ADD1: variants seen among roughly 807,000 people sequenced by gnomAD.
ADD1 encodes the protein adducin 1, also known as alpha-adducin.
ADD1 carries 24 observed loss-of-function variants against 80.5 expected under a neutral mutation model. The observed-to-expected ratio is 0.30, with a 90% CI of 0.22 to 0.42. The LOEUF (loss-of-function observed/expected upper bound fraction) is 0.42. ADD1 is among the 10% of genes least tolerant of loss of function. The pLI is 1.00. For synonymous variants in ADD1, 373 were observed against 393.8 expected, an observed-to-expected ratio of 0.95 and a Z score of 0.63; for missense variants, 948 against 1,019.0, an observed-to-expected ratio of 0.93 and a Z score of 0.95.
chr4:2,868,869 C>A (rs1345160367), intron 1 of ADD1, among the ~76,000 whole-genome samples: 1 of 151,998 alleles, frequency 6.6e-6, no homozygotes, highest in Non-Finnish European at 1.5e-5. Context: ...GGGAAGCATT[C>A]GAGTTGGATA....
At chr4:2,855,812 C>G (rs1326195067) in intron 1 of ADD1, among the ~76,000 whole-genome samples, 3 of 151,680 alleles carry the variant, frequency 2.0e-5, no homozygotes, top group Non-Finnish European at 2.9e-5. Context: ...GTGATCCTCC[C>G]ACTTCAGCCC....
intron 1 of ADD1, chr4:2,868,029 G>T (rs1236391274): frequency 6.6e-6 from 1 of 152,234 alleles, no homozygotes. Context: ...GAATAGAAAT[G>T]ATCCGATCAG....
In ADD1 at chr4:2,926,394, G is replaced by A. The variant is rs913554487; in HGVS notation, c.2047+282G>A. ...GTTGCCCATTGCTCGCACACTCCTC[G>A]TGCCGTGTTGTCATGCAGATGCCAC... is the stretch of plus-strand genomic sequence containing the variant. On this transcript the variant is annotated intron_variant, in intron 15 of 15. Transcript: ENST00000683351. This position sits in a 1 kb window ranked among gnomAD's most constrained non-coding sequence, Gnocchi z 5.0. The A allele has an allele frequency of 7.1e-6, 5 of 701,326 alleles. No individual in the cohort carries two copies. In the East Asian group the frequency reaches 8.1e-5, roughly 11 times the overall value. The allele number at this position is 701,326 out of a possible 1,614,324, so 43.4% of individuals were successfully genotyped here. A position where few individuals can be genotyped will look rare whatever the true frequency, so the allele number is the denominator to read the frequency against.
In ADD1 at chr4:2,899,283, G is replaced by A. The variant is rs1177313039; in HGVS notation, c.1009G>A (p.Gly337Arg). 1 of 1,613,490 alleles carries A rather than the reference G, an allele frequency of 6.2e-7. No homozygotes were observed. The highest frequency in any genetic ancestry group is 8.5e-7 in the Non-Finnish European group (1 of 1,179,516). The change falls in exon 9 of 16, where the codon GGA (glycine) becomes AGA (arginine). Residue 337 changes from glycine to arginine, a missense_variant. Physicochemically the swap from Gly to Arg is moderately radical, Grantham distance 125. Transcript: ENST00000683351. The part of the protein sequence containing the change: ...IQVRTLASAG[G>R]PDNLVLLNPE... ...GGTTCGAACTCTGGCCAGTGCAGGA[G>A]GACCAGACAACTTAGTCCTGCTGAA...
chr4:2,902,237 C>T (rs916858351), intron 9 of ADD1: 16 of 152,148 alleles, frequency 1.1e-4, no homozygotes, highest in Admixed American at 1.0e-3. Context: ...TGAGTTCTGG[C>T]TCTTTAAGCA....
intron 1 of ADD1, chr4:2,867,798 C>CA (rs1729773604): frequency 6.6e-6 from 1 of 152,122 alleles, no homozygotes; most frequent in Admixed American, 6.5e-5. Flanking sequence ...TCCTGATTGT[C>CA]AGAGAGAATG....
chr4:2,883,347 T>C (rs1732696261), intron 3 of ADD1, among the ~76,000 whole-genome samples: 1 of 152,162 alleles, frequency 6.6e-6, no homozygotes, highest in Admixed American at 6.5e-5. Flanking sequence ...TATTTGAATT[T>C]ATGATTTAAA....
At chr4:2,849,507 G>T (rs1436361151) in intron 1 of ADD1, among the ~76,000 whole-genome samples, 3 of 152,164 alleles carry the variant, frequency 2.0e-5, no homozygotes, top group Non-Finnish European at 4.4e-5. Flanking sequence ...TCAGGAATGG[G>T]GCGCAGTAGA....
chr4:2,863,741 T>G (rs1296517151), intron 1 of ADD1, among the ~76,000 whole-genome samples: 2 of 152,060 alleles, frequency 1.3e-5, no homozygotes, highest in Non-Finnish European at 2.9e-5. Flanking sequence ...GTTTTGTTGT[T>G]TTGTTTTCTA....
intron 13 of ADD1, among the ~76,000 whole-genome samples, chr4:2,910,191 G>T (rs1181127935): frequency 6.6e-6 from 1 of 150,708 alleles, no homozygotes; most frequent in Admixed American, 6.6e-5. Flanking sequence ...GGGGCTGACC[G>T]CATGGTTGAA....
rs1731209577 is a variant in ADD1, at chr4:2,875,932, G to A, written c.17G>A (p.Arg6His). The A allele has an allele frequency of 3.8e-6, 6 of 1,598,622 alleles. No individual in the cohort carries two copies. The highest frequency in any genetic ancestry group is 2.2e-5 in the East Asian group (1 of 44,658). MNGDSRAAVVTSPPPT... is the reference protein window; with the variant it reads MNGDSHAAVVTSPPPT... The stretch of plus-strand genomic sequence containing the variant: ...GATTGTACAATGAATGGTGATTCTC[G>A]TGCTGCGGTGGTGACCTCACCACCC... The change falls in exon 2 of 16, where the codon CGT becomes CAT. Residue 6 changes from arginine (R) to histidine (H), a missense_variant. By Grantham distance (29) the Arg-to-His change is conservative. Coordinates refer to ENST00000683351, the MANE Select transcript of ADD1 (RefSeq NM_001354761.2).
chr4:2,913,291 T>C (rs987406898), intron 13 of ADD1, among the ~76,000 whole-genome samples: 2 of 152,248 alleles, frequency 1.3e-5, no homozygotes, highest in Non-Finnish European at 2.9e-5. Context: ...CTGCTGTTGC[T>C]GGGATACCAT....
Position 2,926,726 on chromosome 4 carries a change from A to C in ADD1, c.2047+614A>C. The C allele has an allele frequency of 6.4e-7, 1 of 1,563,120 alleles. No individual in the cohort carries two copies. The highest frequency in any genetic ancestry group is 8.8e-7 in the Non-Finnish European group (1 of 1,137,928). On this transcript the variant is annotated intron_variant, in intron 15 of 15. Coordinates refer to ENST00000683351, the MANE Select transcript of ADD1 (RefSeq NM_001354761.2). This position sits in a 1 kb window ranked among gnomAD's most constrained non-coding sequence, Gnocchi z 5.0. ...CCACCGGTGCCCTGCGCTTTGCCTC[A>C]TTCTCCTGCTTCTTTGTTGTTTATT...
chr4:2,896,001 C>T (rs539111837), intron 6 of ADD1, among the ~76,000 whole-genome samples: 21 of 151,630 alleles, frequency 1.4e-4, no homozygotes, highest in Non-Finnish European at 2.4e-4. Flanking sequence ...CATTCTCCTG[C>T]CTCAGCCTCC....
chr4:2,921,810 A>C (rs1740096729), intron 14 of ADD1, among the ~76,000 whole-genome samples: 1 of 151,578 alleles, frequency 6.6e-6, no homozygotes, highest in South Asian at 2.1e-4. Context: ...ATAGTCCCAT[A>C]TTTCTTGGAG....
At position 2,861,704 on chromosome 4, in the gene ADD1, G is replaced by A. The variant is rs543741129; in HGVS notation, c.-20-14192G>A. On this transcript the variant is annotated intron_variant, in intron 1 of 15. Transcript: ENST00000683351. ...ATTCCTAGAGATTCAGATTCTGTGGGTCTGGGTTTGGGTCTAGCCATGGTT... is the reference window on the plus strand; with the variant it reads ...ATTCCTAGAGATTCAGATTCTGTGGATCTGGGTTTGGGTCTAGCCATGGTT... Among the ~76,000 whole-genome samples the A allele has an allele frequency of 5.1e-4, 78 of 152,222 alleles. No individual in the cohort carries two copies. The South Asian group carries it at 9.5e-3, about 19-fold the overall frequency.
At chr4:2,882,654 C>T (rs1272706542) in intron 3 of ADD1, among the ~76,000 whole-genome samples, 4 of 152,222 alleles carry the variant, frequency 2.6e-5, no homozygotes, top group African/African-American at 9.6e-5. Flanking sequence ...AAATAAGGTA[C>T]TGGTTTCTGT....
chr4:2,854,411 G>T (rs1727764211), intron 1 of ADD1, among the ~76,000 whole-genome samples: 1 of 152,154 alleles, frequency 6.6e-6, no homozygotes, highest in Admixed American at 6.6e-5. Context: ...TATCTCTAAT[G>T]ATCTAACTTT....
chr4:2,898,549 C>T lies in ADD1; in HGVS notation c.984+18C>T, dbSNP rs1330992425. ...AGATCCAGGTAGGGGACAGCCATTC[C>T]AGTCACTCTGCAGTTTATTTAGATG... On this transcript the variant is annotated intron_variant, in intron 8 of 15. Coordinates refer to ENST00000683351, the MANE Select transcript of ADD1 (RefSeq NM_001354761.2). 1 of 1,601,006 alleles carries T rather than the reference C, an allele frequency of 6.2e-7. No homozygotes were observed. Among genetic ancestry groups the T allele is most frequent in the Non-Finnish European group, 8.6e-7 (1 of 1,168,278 alleles).
Sources: allele counts gnomAD v4.1 joint callset (sites outside exome capture counted in the v4.1 genomes callset), GRCh38; gene constraint gnomAD v4.1.1; non-coding constraint Gnocchi (gnomAD v3.1); transcripts MANE v1.5; gene names NCBI Gene and HGNC (gene_info 2026-07-23, HGNC 2026-07-21).